TSC1: variants seen among roughly 807,000 people sequenced by gnomAD.
TSC1 encodes TSC complex subunit 1.
TSC1 carries 20 observed loss-of-function variants against 124.3 expected under a neutral mutation model. The ratio of observed to expected loss-of-function variants is 0.16; its 90% CI spans 0.11 to 0.23. TSC1 has a LOEUF of 0.23. Ranked by LOEUF, TSC1 falls within the 10% of genes least tolerant of loss-of-function variation. The pLI, the probability that TSC1 is intolerant of heterozygous loss-of-function variation, is 1.00. For synonymous variants in TSC1, 493 were observed against 539.1 expected (o/e 0.91, Z 1.19); for missense variants, 1,124 against 1,448.5 (o/e 0.78, Z 3.64).
intron 22 of TSC1, 53 bp downstream of exon 22, chr9:132,897,131 T>C (rs908907525): frequency 1.2e-6 from 2 of 1,612,140 alleles, no homozygotes; most frequent in African/African-American, 1.3e-5. Context: ...ACAGTCCTTA[T>C]GCTGGAATTG....
intron 6 of TSC1, among the ~76,000 whole-genome samples, chr9:132,922,834 T>C (rs1312987515): frequency 6.6e-6 from 1 of 152,176 alleles, no homozygotes; most frequent in Non-Finnish European, 1.5e-5. Flanking sequence ...TTACAGCTTC[T>C]GATCCCTTTG....
At chr9:132,939,013 C>T (rs1216352922) in intron 1 of TSC1, 1 of 152,168 alleles carries the variant, frequency 6.6e-6, no homozygotes, top group East Asian at 1.9e-4. Flanking sequence ...TTCACTATAA[C>T]TTGTTTCCTA....
At chr9:132,924,662 T>C (rs1186110946) in intron 5 of TSC1, among the ~76,000 whole-genome samples, 2 of 152,224 alleles carry the variant, frequency 1.3e-5, no homozygotes, top group African/African-American at 4.8e-5. Flanking sequence ...CATCAATCCA[T>C]TTAGATTATA....
At chr9:132,934,728 T>C (rs1847368324) in intron 2 of TSC1, among the ~76,000 whole-genome samples, 1 of 152,234 alleles carries the variant, frequency 6.6e-6, no homozygotes, top group Non-Finnish European at 1.5e-5. Context: ...GTCCACTAAG[T>C]ACCAGCTATG....
Position 132,902,816 on chromosome 9 carries a change from T to C in TSC1, c.2209-29A>G, listed in dbSNP as rs1845458846. ...GCAGAGACCAGAAATGTCATCATTT[T>C]AGCTGTCTTCCAACACAGGCAATTT... On this transcript the variant is annotated intron_variant, in intron 17 of 22. Transcript: ENST00000298552. This position sits in a 1 kb window ranked among gnomAD's most constrained non-coding sequence, Gnocchi z 5.2. 1 of 1,612,106 alleles carries C rather than the reference T, an allele frequency of 6.2e-7. No individual in the cohort carries two copies. Among genetic ancestry groups the C allele is most frequent in the Non-Finnish European group, 8.5e-7 (1 of 1,179,758 alleles).
chr9:132,921,328 A>G lies in TSC1; in HGVS notation c.737+35T>C. 6.2e-7 allele frequency: 1 copy of G among 1,606,004 alleles called. No homozygotes were observed. Among genetic ancestry groups the G allele is most frequent in the Non-Finnish European group, 8.5e-7 (1 of 1,172,852 alleles). On this transcript the variant is annotated intron_variant, in intron 8 of 22. Transcript: ENST00000298552. The surrounding 1 kb of genome is among the most constrained non-coding windows in gnomAD (Gnocchi z 4.3). Reference sequence around the variant, plus strand: ...CTAGATCACATTTTCAATCTCTCGAAAGATTCTTTAAAATTTTGACACTAG... The same window carrying G: ...CTAGATCACATTTTCAATCTCTCGAGAGATTCTTTAAAATTTTGACACTAG...
Position 132,906,668 on chromosome 9 carries a change from C to T in TSC1, c.1438+63G>A. ...AAGCCTGTGAGCAATGGCACAAAAT[C>T]CCAGATTTATAGCAGAGCGAGGGTC... On this transcript the variant is annotated intron_variant, in intron 14 of 22. Transcript: ENST00000298552. This position sits in a 1 kb window ranked among gnomAD's most constrained non-coding sequence, Gnocchi z 4.1. The T allele has an allele frequency of 7.0e-7, 1 of 1,427,638 alleles. No individual in the cohort carries two copies. The highest frequency in any genetic ancestry group is 9.7e-7 in the Non-Finnish European group (1 of 1,029,868). 88.4% of individuals were successfully genotyped at this position (1,427,638 alleles called of 1,614,324 possible).
chr9:132,922,434 A>G (rs1410752440), intron 6 of TSC1, among the ~76,000 whole-genome samples: 1 of 152,240 alleles, frequency 6.6e-6, no homozygotes, highest in Non-Finnish European at 1.5e-5. Flanking sequence ...ACAAGCACTC[A>G]ATATTTACAG....
At chr9:132,914,139 A>T (rs1159736394) in intron 8 of TSC1, among the ~76,000 whole-genome samples, 1 of 151,924 alleles carries the variant, frequency 6.6e-6, no homozygotes, top group Non-Finnish European at 1.5e-5. Flanking sequence ...ACCTCAGGTG[A>T]TCCACCTGCC....
Position 132,892,787 on chromosome 9 carries a change from G to A in TSC1, c.*3448C>T, listed in dbSNP as rs201092466. ...TTCAGTTCTGCTGGCTACATGAAAC[G>A]CATACCCAGTTTTCTATTCTTAACA... On this transcript the variant is annotated 3_prime_UTR_variant, in exon 23 of 23. Coordinates refer to ENST00000298552, the MANE Select transcript of TSC1 (RefSeq NM_000368.5). 181 of 233,280 alleles carry A rather than the reference G, an allele frequency of 7.8e-4. No homozygotes were observed. The Middle Eastern group carries it at 0.01, about 13-fold the overall frequency. 14.5% of individuals were successfully genotyped at this position (233,280 alleles called of 1,614,324 possible).
chr9:132,897,567 T>G lies in TSC1; in HGVS notation c.2669A>C (p.Lys890Thr). Residue 890 changes from lysine to threonine, a missense_variant, in exon 21 of 23, where the codon AAA (lysine) becomes ACA (threonine). This residue lies in a region of TSC1 where 325 missense variants were observed against 383.4 expected (regional missense o/e 0.85). Coordinates refer to ENST00000298552, the MANE Select transcript of TSC1 (RefSeq NM_000368.5). Reference protein sequence around the residue: ...MKAAYRKELEKNRSHVLQQTQ... With the variant: ...MKAAYRKELETNRSHVLQQTQ... ...CTGCTGGAGAACATGGCTTCTGTTTTTTTCTAGCTCTTTCCGATAGGCGGC... is the reference window on the plus strand; with the variant it reads ...CTGCTGGAGAACATGGCTTCTGTTTGTTTCTAGCTCTTTCCGATAGGCGGC... The G allele has an allele frequency of 6.2e-7, 1 of 1,607,296 alleles. No individual in the cohort carries two copies. Among genetic ancestry groups the G allele is most frequent in the South Asian group, 1.1e-5 (1 of 88,984 alleles).
intron 6 of TSC1, 56 bp from the exon 7 acceptor site, chr9:132,922,029 C>T (rs1846597300): frequency 6.2e-7 from 1 of 1,609,380 alleles, no homozygotes; most frequent in Non-Finnish European, 8.5e-7. Context: ...TTGAGGAGTG[C>T]AAAACAGCTA....
intron 11 of TSC1, 151 bp from the exon 12 acceptor site, chr9:132,910,843 A>G (rs1424926855): frequency 1.2e-5 from 16 of 1,373,968 alleles, no homozygotes; most frequent in Admixed American, 1.8e-5. Context: ...TTTTGTTTTT[A>G]GGTTCACTTT....
intron 8 of TSC1, among the ~76,000 whole-genome samples, chr9:132,915,685 G>C (rs1042551795): frequency 2.6e-5 from 4 of 152,092 alleles, no homozygotes; most frequent in African/African-American, 9.7e-5. Flanking sequence ...CAACACTAAG[G>C]GCACTCCATA....
At position 132,913,413 on chromosome 9, in the gene TSC1, G is replaced by C. The variant is rs571681929; in HGVS notation, c.738-956C>G. Among the ~76,000 whole-genome samples the C allele has an allele frequency of 4.6e-5, 7 of 152,204 alleles. No individual in the cohort carries two copies. In the East Asian group the frequency reaches 9.7e-4, roughly 21 times the overall value. ...TCTTCCCCCACTTCTTGCAACTATCGATCTGCTAAAAGCATGCTTTTTCAG... is the reference window on the plus strand; with the variant it reads ...TCTTCCCCCACTTCTTGCAACTATCCATCTGCTAAAAGCATGCTTTTTCAG... On this transcript the variant is annotated intron_variant, in intron 8 of 22. Transcript: ENST00000298552.
At chr9:132,913,917 T>TTTTTTTTTTTTTTTTA (rs1564491575) in intron 8 of TSC1, among the ~76,000 whole-genome samples, 1 of 95,518 alleles carries the variant, frequency 1.0e-5, no homozygotes, top group Non-Finnish European at 2.1e-5. Flanking sequence ...TTTTTTTTTT[T>TTTTTTTTTTTTTTTTA]AGACAGAGTC....
intron 6 of TSC1, among the ~76,000 whole-genome samples, chr9:132,922,807 T>C (rs1272637048): frequency 6.6e-6 from 1 of 152,148 alleles, no homozygotes; most frequent in East Asian, 1.9e-4. Context: ...AACCCAAAGA[T>C]TCCAAATTTC....
In TSC1 at chr9:132,905,967, G is replaced by A. The variant is rs898271020; in HGVS notation, c.1611C>T (p.His537=). Residue 537 remains histidine (H), a synonymous_variant, in exon 15 of 23, where the codon CAC becomes CAT. Coordinates refer to ENST00000298552, the MANE Select transcript of TSC1 (RefSeq NM_000368.5). ...QGASVNPEPL[H]SSLDKLGPDT... is the part of the protein sequence containing the mutation. ...CAGGCCCAAGCTTGTCCAGGGAGGA[G>A]TGTAAAGGCTCAGGGTTCACGCTGG... is the stretch of plus-strand genomic sequence containing the variant. The A allele has an allele frequency of 3.7e-6, 6 of 1,614,130 alleles. No individual in the cohort carries two copies. Among genetic ancestry groups the A allele is most frequent in the Non-Finnish European group, 4.2e-6 (5 of 1,180,002 alleles).
In TSC1 at chr9:132,896,340, C is replaced by T. The variant is rs1845035929; in HGVS notation, c.3390G>A (p.Lys1130=). 6.2e-7 allele frequency: 1 copy of T among 1,614,224 alleles called. No homozygotes were observed. The highest frequency in any genetic ancestry group is 1.1e-5 in the South Asian group (1 of 91,088). Residue 1130 remains lysine, a synonymous_variant, in exon 23 of 23, where the codon AAG becomes AAA. Transcript: ENST00000298552. The surrounding 1 kb of genome is among the most constrained non-coding windows in gnomAD (Gnocchi z 4.5). ...ELGKDLGVEA[K]IPLNLDGPHP... ...GAGGGCCATCTAGGTTCAGGGGAAT[C>T]TTGGCTTCCACACCCAAGTCTTTGC...
Sources: allele counts gnomAD v4.1 joint callset (sites outside exome capture counted in the v4.1 genomes callset), GRCh38; gene constraint gnomAD v4.1.1; regional missense constraint gnomAD v4.1.1; non-coding constraint Gnocchi (gnomAD v3.1); transcripts MANE v1.5; gene names NCBI Gene and HGNC (gene_info 2026-07-23, HGNC 2026-07-21).